The following NELL1 variants were observed in gnomAD, a reference collection of about 807,000 sequenced individuals.
The protein encoded by NELL1 is protein kinase C-binding protein NELL1.
In NELL1, 76 loss-of-function variants were observed where a neutral mutation model predicts 107.4. That is an observed-to-expected ratio of 0.71 (90% CI 0.59 to 0.86). The LOEUF (loss-of-function observed/expected upper bound fraction) is 0.86, where lower values mean the gene tolerates loss of function less well. Among genes scored for constraint, NELL1 ranks in the 40% least tolerant of loss-of-function variants. The pLI is 0.00. For missense variants in NELL1, 1,024 were observed against 1,005.5 expected (o/e 1.02, Z -0.25); for synonymous variants, 353 against 341.2 (o/e 1.03, Z -0.38).
intron 2 of NELL1, among the ~76,000 whole-genome samples, chr11:20,743,611 C>G (rs1489981678): frequency 5.3e-5 from 8 of 152,130 alleles, no homozygotes; most frequent in African/African-American, 1.7e-4. Context: ...CTGCTTCAGT[C>G]CTTGCCTGCT....
intron 15 of NELL1, among the ~76,000 whole-genome samples, chr11:21,517,481 A>C (rs951610798): frequency 6.6e-6 from 1 of 152,138 alleles, no homozygotes; most frequent in Admixed American, 6.5e-5. Context: ...TACGCTCTCT[A>C]GTTTACCAAC....
intron 12 of NELL1, among the ~76,000 whole-genome samples, chr11:21,090,081 T>C (rs1854487168): frequency 6.6e-6 from 1 of 152,156 alleles, no homozygotes; most frequent in Admixed American, 6.5e-5. Flanking sequence ...TTATTGGAGA[T>C]TAGTTTCCAT....
At chr11:21,042,919 T>A (rs964279315) in intron 12 of NELL1, among the ~76,000 whole-genome samples, 1 of 152,150 alleles carries the variant, frequency 6.6e-6, no homozygotes, top group Non-Finnish European at 1.5e-5. Flanking sequence ...TTTTTTTTTA[T>A]TTTTAGTGAA....
At chr11:21,349,026 G>T (rs1430901729) in intron 14 of NELL1, among the ~76,000 whole-genome samples, 4 of 152,114 alleles carry the variant, frequency 2.6e-5, no homozygotes, top group Non-Finnish European at 5.9e-5. Context: ...AGGAAATCAG[G>T]TGTGTCTGAA....
chr11:21,475,366 ATGT>A (rs922477424), intron 15 of NELL1, among the ~76,000 whole-genome samples: 4 of 152,070 alleles, frequency 2.6e-5, no homozygotes, highest in African/African-American at 4.8e-5. Context: ...GTATATTGTA[ATGT>A]TGTTCATAGC....
At chr11:21,045,986 C>T (rs1333219650) in intron 12 of NELL1, among the ~76,000 whole-genome samples, 1 of 151,970 alleles carries the variant, frequency 6.6e-6, no homozygotes, top group Non-Finnish European at 1.5e-5. Flanking sequence ...TATCTTTTTC[C>T]ATTGTATTTT....
At chr11:20,930,091 T>A (rs542129531) in intron 9 of NELL1, among the ~76,000 whole-genome samples, 21 of 152,330 alleles carry the variant, frequency 1.4e-4, no homozygotes, top group Middle Eastern at 6.8e-3. Context: ...AAAGTTGTTG[T>A]TTGGACATGG....
At chr11:20,999,314 A>T (rs571570011) in intron 12 of NELL1, among the ~76,000 whole-genome samples, 1 of 152,266 alleles carries the variant, frequency 6.6e-6, no homozygotes, top group Admixed American at 6.5e-5. Flanking sequence ...CTTTAATGTG[A>T]TGCTACTGTC....
At chr11:21,142,127 T>C (rs1855882418) in intron 13 of NELL1, among the ~76,000 whole-genome samples, 1 of 152,180 alleles carries the variant, frequency 6.6e-6, no homozygotes, top group Non-Finnish European at 1.5e-5. Flanking sequence ...TCAAAAGTCA[T>C]ATGCTCTGAA....
At chr11:21,537,936 G>A (rs1179861771) in intron 16 of NELL1, among the ~76,000 whole-genome samples, 4 of 151,892 alleles carry the variant, frequency 2.6e-5, no homozygotes, top group Admixed American at 1.3e-4. Context: ...GAGTCTTCTG[G>A]GAATATGGTT....
At chr11:21,462,166 TC>T (rs1463910382) in intron 15 of NELL1, among the ~76,000 whole-genome samples, 11 of 152,062 alleles carry the variant, frequency 7.2e-5, no homozygotes, top group Admixed American at 1.3e-4. Context: ...GACATGGAAA[TC>T]TATTCAAACT....
intron 4 of NELL1, among the ~76,000 whole-genome samples, chr11:20,848,580 A>G (rs1305019925): frequency 2.6e-5 from 4 of 152,106 alleles, no homozygotes; most frequent in African/African-American, 7.2e-5. Flanking sequence ...AGCAGTGCCC[A>G]TGCATTGTTG....
At chr11:20,685,174 A>T (rs922503780) in intron 2 of NELL1, among the ~76,000 whole-genome samples, 7 of 151,306 alleles carry the variant, frequency 4.6e-5, no homozygotes, top group Admixed American at 4.6e-4. Context: ...ATGCCTGGAA[A>T]CTCCCTCAGA....
At chr11:21,294,707 A>G (rs891863577) in intron 14 of NELL1, among the ~76,000 whole-genome samples, 2 of 152,066 alleles carry the variant, frequency 1.3e-5, no homozygotes, top group Non-Finnish European at 2.9e-5. Context: ...CACAACTAAC[A>G]GGAGTTGAGG....
At chr11:20,748,457 A>G (rs1194103007) in intron 2 of NELL1, among the ~76,000 whole-genome samples, 1 of 152,162 alleles carries the variant, frequency 6.6e-6, no homozygotes, top group Non-Finnish European at 1.5e-5. Flanking sequence ...GGTTACGTGG[A>G]TTAATTGTAC....
chr11:20,986,718 CT>C lies in NELL1; in HGVS notation c.1300+26168del, dbSNP rs372522019. The stretch of plus-strand genomic sequence containing the variant: ...ATCACTGTTCTAGACATTTGGGCAC[CT>C]TTTTTTTTTCTTACCCTTCTTAAGC... On this transcript the variant is annotated intron_variant, in intron 12 of 19. Coordinates refer to ENST00000357134, the MANE Select transcript of NELL1 (RefSeq NM_006157.5). Among the ~76,000 whole-genome samples, 1,285 of 149,174 alleles carry C rather than the reference CT, an allele frequency of 8.6e-3. 18 individuals carry two copies. Among genetic ancestry groups the C allele is most frequent in the African/African-American group, 0.03 (1,240 of 40,752 alleles).
At chr11:21,128,396 A>T (rs1855537075) in intron 13 of NELL1, among the ~76,000 whole-genome samples, 3 of 152,224 alleles carry the variant, frequency 2.0e-5, no homozygotes, top group South Asian at 4.1e-4. Context: ...CTCGTTGATA[A>T]GCAGACTATA....
intron 12 of NELL1, among the ~76,000 whole-genome samples, chr11:20,984,906 TA>T (rs1851821500): frequency 2.6e-5 from 4 of 152,216 alleles, no homozygotes; most frequent in African/African-American, 9.6e-5. Context: ...CTCTTTGATT[TA>T]AACCAAGTTT....
chr11:21,324,294 A>C (rs1387125695), intron 14 of NELL1, among the ~76,000 whole-genome samples: 1 of 152,050 alleles, frequency 6.6e-6, no homozygotes, highest in East Asian at 1.9e-4. Context: ...TTTTGACTCT[A>C]TTTTATTTTC....
Sources: gnomAD v4.1 joint callset for allele counts (sites outside exome capture counted in the v4.1 genomes callset) on GRCh38, gnomAD v4.1.1 for gene constraint, MANE v1.5 for transcripts, NCBI Gene and HGNC (gene_info 2026-07-23, HGNC 2026-07-21) for gene names.